The following ING5 variants were observed in gnomAD, a reference collection of about 807,000 sequenced individuals.
The protein encoded by ING5 is inhibitor of growth family member 5, also known as inhibitor of growth protein 5.
Under a neutral mutation model 37.4 loss-of-function variants are expected in ING5, and 17 were observed. The observed-to-expected ratio is 0.45, with a 90% CI of 0.31 to 0.68. The LOEUF (loss-of-function observed/expected upper bound fraction) is 0.68. ING5 is among the 30% of genes least tolerant of loss of function. The probability of loss-of-function intolerance (pLI) is 0.05; values close to 1 mark genes in which losing one functional copy is unlikely to be tolerated. For synonymous variants in ING5, 123 were observed against 116.6 expected, an observed-to-expected ratio of 1.06 and a Z score of -0.36; for missense variants, 233 against 311.9, an observed-to-expected ratio of 0.75 and a Z score of 1.91.
intron 2 of ING5, among the ~76,000 whole-genome samples, chr2:241,708,878 G>A (rs2070010131): frequency 6.6e-6 from 1 of 152,138 alleles, no homozygotes; most frequent in South Asian, 2.1e-4. Context: ...AAAAGAAAAG[G>A]GAAAAAAGAG....
rs780377393 is a variant in ING5 at position 241,725,025 on chromosome 2, G to T, written c.717G>T (p.Lys239Asn). 2.5e-6 allele frequency: 4 copies of T among 1,614,022 alleles called. No homozygotes were observed. The highest frequency in any genetic ancestry group is 3.4e-6 in the Non-Finnish European group (4 of 1,179,968). ...GGTGTGTCCAGGAAAAGAGGAAGAA[G>T]AAGTAGGAGGAGCTGTGTGCCCGGA... ...CPRCVQEKRK[K>N]K Residue 239 changes from lysine to asparagine, a missense_variant, in exon 8 of 8, where the codon AAG (lysine) becomes AAT (asparagine). Physicochemically the swap from Lys to Asn is moderately conservative, Grantham distance 94. Transcript: ENST00000313552.
At chr2:241,691,402 G>A (rs1001362882) in intron 2 of ING5, among the ~76,000 whole-genome samples, 1 of 151,798 alleles carries the variant, frequency 6.6e-6, no homozygotes, top group South Asian at 2.1e-4. Flanking sequence ...TCATGCCACT[G>A]CACTGCAGCC....
chr2:241,689,413 C>G (rs540986919), intron 1 of ING5, among the ~76,000 whole-genome samples: 1 of 152,130 alleles, frequency 6.6e-6, no homozygotes, highest in Non-Finnish European at 1.5e-5. Flanking sequence ...CCTGGCCTAC[C>G]CTTTCTTCCT....
rs572859428 is a variant in ING5 at position 241,705,461 on chromosome 2, G to A, written c.109+737G>A. Among the ~76,000 whole-genome samples the A allele has an allele frequency of 8.5e-5, 12 of 141,472 alleles. No homozygotes were observed. In the South Asian group the frequency reaches 2.7e-3, roughly 32 times the overall value. 92.8% of individuals were successfully genotyped at this position (141,472 alleles called of 152,430 possible). ...TGCCCAGGCTAGAGTGCAGTGGCAC[G>A]ATCTTGGCTCACTGCAACCTCCACC... On this transcript the variant is annotated intron_variant, in intron 2 of 7. Coordinates refer to ENST00000313552, the MANE Select transcript of ING5 (RefSeq NM_032329.6).
chr2:241,703,400 C>T (rs4675893), intron 1 of ING5, among the ~76,000 whole-genome samples: 5,608 of 151,950 alleles, frequency 0.037, 449 homozygotes, highest in East Asian at 0.3. Flanking sequence ...GTGCAGGGGG[C>T]GGAGGTTGGC....
intron 1 of ING5, chr2:241,688,167 G>A (rs1012545737): frequency 6.6e-6 from 1 of 152,208 alleles, no homozygotes; most frequent in African/African-American, 2.4e-5. Flanking sequence ...AGAAGAAATG[G>A]TAGGAACTGC....
chr2:241,720,362 C>T (rs543768142), intron 5 of ING5: 11 of 1,192,074 alleles, frequency 9.2e-6, no homozygotes, highest in African/African-American at 7.9e-5. Flanking sequence ...CCCAGGCGCA[C>T]GCACCATCCT....
chr2:241,705,772 T>G (rs2069892812), intron 2 of ING5, among the ~76,000 whole-genome samples: 1 of 152,200 alleles, frequency 6.6e-6, no homozygotes, highest in African/African-American at 2.4e-5. Context: ...TCGTCAGTTT[T>G]AGACGTTGTT....
At position 241,725,234 on chromosome 2, in the gene ING5, G is replaced by A. The variant is rs1239119235; in HGVS notation, c.*203G>A. 3.3e-6 allele frequency: 2 copies of A among 609,474 alleles called. No homozygotes were observed. The highest frequency in any genetic ancestry group is 5.9e-6 in the Non-Finnish European group (2 of 340,210). 37.8% of individuals were successfully genotyped at this position (609,474 alleles called of 1,614,324 possible). A position where few individuals can be genotyped will look rare whatever the true frequency, so the allele number is the denominator to read the frequency against. On this transcript the variant is annotated 3_prime_UTR_variant, in exon 8 of 8. Coordinates refer to ENST00000313552, the MANE Select transcript of ING5 (RefSeq NM_032329.6). ...CGACCTTGCAGGGACTCGCCGCCGCGACCTCAGTGTGGCTTTTACAGGACT... is the reference window on the plus strand; with the variant it reads ...CGACCTTGCAGGGACTCGCCGCCGCAACCTCAGTGTGGCTTTTACAGGACT...
chr2:241,695,815 T>C (rs2069621909), intron 2 of ING5, among the ~76,000 whole-genome samples: 1 of 152,212 alleles, frequency 6.6e-6, no homozygotes, highest in Non-Finnish European at 1.5e-5. Flanking sequence ...TACTGAAATA[T>C]TGGGAACATC....
rs1353889286 is a variant in ING5, at chr2:241,702,080, G to A, written c.15G>A (p.Met5Ile). Residue 5 changes from methionine (M) to isoleucine (I), a missense_variant, in exon 1 of 8, where the codon ATG (methionine) becomes ATA (isoleucine). This residue lies in a region of ING5 where 93 missense variants were observed against 99.7 expected (regional missense o/e 0.93). Transcript: ENST00000313552. Reference protein sequence around the residue: MATAMYLEHYLDSIE... With the variant: MATAIYLEHYLDSIE... The stretch of plus-strand genomic sequence containing the variant: ...CGCGGACGAAGATGGCGACCGCCAT[G>A]TACTTGGAGCACTATCTGGACAGTA... 4.3e-6 allele frequency: 6 copies of A among 1,392,344 alleles called. No homozygotes were observed. Among genetic ancestry groups the A allele is most frequent in the Admixed American group, 2.8e-5 (1 of 35,380 alleles). The allele number at this position is 1,392,344 out of a possible 1,614,324, so 86.2% of individuals were successfully genotyped here. A position where few individuals can be genotyped will look rare whatever the true frequency, so the allele number is the denominator to read the frequency against.
At chr2:241,697,982 C>T (rs939537392), upstream of ING5, among the ~76,000 whole-genome samples, 2 of 150,770 alleles carry the variant, frequency 1.3e-5, no homozygotes, top group Non-Finnish European at 2.9e-5. Flanking sequence ...ACTTGGGAGG[C>T]TGAGGCAGGA....
chr2:241,719,870 C>T (rs1177480099), intron 5 of ING5: 2 of 1,372,634 alleles, frequency 1.5e-6, no homozygotes, highest in East Asian at 2.7e-5. Flanking sequence ...GTGCAGGTCC[C>T]AGTAGTGACA....
intron 2 of ING5, among the ~76,000 whole-genome samples, chr2:241,693,031 C>A (rs546140260): frequency 6.6e-6 from 1 of 151,998 alleles, no homozygotes; most frequent in Non-Finnish European, 1.5e-5. Flanking sequence ...GAGGCAGAGG[C>A]GGGCAGATCA....
chr2:241,693,378 C>G (rs1247967229), intron 2 of ING5, among the ~76,000 whole-genome samples: 1 of 152,062 alleles, frequency 6.6e-6, no homozygotes, highest in Non-Finnish European at 1.5e-5. Context: ...CACCTGCTCC[C>G]AGGAGCTTCG....
intron 2 of ING5, among the ~76,000 whole-genome samples, chr2:241,708,208 CTTTTGTTTTT>C (rs2069985263): frequency 1.3e-5 from 2 of 149,654 alleles, no homozygotes; most frequent in Admixed American, 1.3e-4. Context: ...CAACAGTTTT[CTTTTGTTTTT>C]TTTTTTTGAG....
upstream of ING5, among the ~76,000 whole-genome samples, chr2:241,700,305 C>G (rs1364006345): frequency 1.3e-5 from 2 of 151,354 alleles, no homozygotes; most frequent in Non-Finnish European, 2.9e-5. Flanking sequence ...TACAGGCGCC[C>G]GCCACCATGC....
intron 5 of ING5, chr2:241,719,641 TG>T (rs1575138676): frequency 1.3e-6 from 2 of 1,535,510 alleles, no homozygotes; most frequent in African/African-American, 2.7e-5. Context: ...ATGCAGGCAC[TG>T]GGGGTCCTCG....
At chr2:241,697,092 A>T (rs961367651), upstream of ING5, among the ~76,000 whole-genome samples, 2 of 150,784 alleles carry the variant, frequency 1.3e-5, no homozygotes, top group Non-Finnish European at 2.9e-5. Context: ...TCAAAATAAT[A>T]ATAATAATAT....
Sources: allele counts gnomAD v4.1 joint callset (sites outside exome capture counted in the v4.1 genomes callset), GRCh38; gene constraint gnomAD v4.1.1; regional missense constraint gnomAD v4.1.1; transcripts MANE v1.5; gene names NCBI Gene and HGNC (gene_info 2026-07-23, HGNC 2026-07-21).